GALNTL6: variants seen among roughly 807,000 people sequenced by gnomAD.
GALNTL6 encodes the protein polypeptide N-acetylgalactosaminyltransferase like 6.
Under a neutral mutation model 73.7 loss-of-function variants are expected in GALNTL6, and 46 were observed. The observed-to-expected ratio is 0.62, with a 90% CI of 0.49 to 0.80. The LOEUF is 0.80. Among genes scored for constraint, GALNTL6 ranks in the 30% least tolerant of loss-of-function variants. The probability of loss-of-function intolerance (pLI) is 0.00; values close to 1 mark genes in which losing one functional copy is unlikely to be tolerated. For synonymous variants in GALNTL6, 259 were observed against 263.7 expected (o/e 0.98, Z 0.17); for missense variants, 604 against 755.0 (o/e 0.80, Z 2.34).
chr4:172,532,084 G>T (rs1735187639), intron 5 of GALNTL6, among the ~76,000 whole-genome samples: 1 of 152,170 alleles, frequency 6.6e-6, no homozygotes, highest in South Asian at 2.1e-4. Flanking sequence ...ATGACCAGAA[G>T]GGTCCATTTG....
At chr4:172,210,417 G>C (rs1341466559) in intron 2 of GALNTL6, among the ~76,000 whole-genome samples, 1 of 151,912 alleles carries the variant, frequency 6.6e-6, no homozygotes, top group Non-Finnish European at 1.5e-5. Context: ...ATCTCCTTAG[G>C]CTTCTCTTAG....
intron 2 of GALNTL6, among the ~76,000 whole-genome samples, chr4:172,178,946 A>G (rs1392113675): frequency 1.1e-4 from 10 of 90,794 alleles, no homozygotes; most frequent in Admixed American, 3.6e-4. Flanking sequence ...GAGAATGATG[A>G]TTTCCAATTT....
intron 5 of GALNTL6, among the ~76,000 whole-genome samples, chr4:172,349,715 A>T (rs1345423901): frequency 1.3e-5 from 2 of 151,976 alleles, no homozygotes; most frequent in African/African-American, 4.8e-5. Context: ...ACATGACAGA[A>T]AGGAGGTTGT....
chr4:172,080,082 C>G (rs1163879936), intron 2 of GALNTL6, among the ~76,000 whole-genome samples: 1 of 152,046 alleles, frequency 6.6e-6, no homozygotes. Flanking sequence ...TGACTTTTTC[C>G]CCAATAGCTC....
chr4:171,949,747 T>A (rs1738813558), intron 2 of GALNTL6, among the ~76,000 whole-genome samples: 1 of 152,024 alleles, frequency 6.6e-6, no homozygotes, highest in East Asian at 1.9e-4. Flanking sequence ...AGTTAAGTAG[T>A]TGATATGAAA....
intron 2 of GALNTL6, among the ~76,000 whole-genome samples, chr4:171,937,729 A>G (rs1738395350): frequency 1.3e-5 from 2 of 152,194 alleles, no homozygotes; most frequent in African/African-American, 4.8e-5. Flanking sequence ...GGTCAAGTAA[A>G]GAATGGTTAC....
intron 7 of GALNTL6, among the ~76,000 whole-genome samples, chr4:172,844,717 C>T (rs770895896): frequency 2.6e-5 from 4 of 152,180 alleles, no homozygotes; most frequent in East Asian, 1.9e-4. Context: ...TAAACAGATG[C>T]GCAGTGTGAC....
intron 7 of GALNTL6, among the ~76,000 whole-genome samples, chr4:172,832,824 G>A (rs530249243): frequency 1.3e-5 from 2 of 152,278 alleles, no homozygotes; most frequent in Admixed American, 6.5e-5. Flanking sequence ...ATCCTCCCAG[G>A]CCTTGGGTTT....
intron 5 of GALNTL6, among the ~76,000 whole-genome samples, chr4:172,556,268 G>A (rs1396254095): frequency 4.0e-5 from 6 of 151,860 alleles, no homozygotes; most frequent in Non-Finnish European, 7.4e-5. Context: ...TTCTAGGTAG[G>A]AGATCTTCCT....
intron 2 of GALNTL6, among the ~76,000 whole-genome samples, chr4:172,112,135 CAT>C (rs1732868889): frequency 1.3e-5 from 2 of 152,012 alleles, no homozygotes; most frequent in African/African-American, 4.8e-5. Flanking sequence ...TCCAAAATGT[CAT>C]ATCCATCCAG....
intron 5 of GALNTL6, among the ~76,000 whole-genome samples, chr4:172,611,918 T>G (rs1441584150): frequency 1.3e-5 from 2 of 152,102 alleles, no homozygotes; most frequent in African/African-American, 2.4e-5. Context: ...AAATGTAAAG[T>G]GCATGTATTT....
intron 2 of GALNTL6, among the ~76,000 whole-genome samples, chr4:172,205,433 C>A (rs768909117): frequency 6.6e-5 from 10 of 152,150 alleles, no homozygotes; most frequent in African/African-American, 2.4e-4. Flanking sequence ...GAGATATGAC[C>A]TTTTAGTGTC....
At chr4:172,476,610 A>T (rs1733243603) in intron 5 of GALNTL6, among the ~76,000 whole-genome samples, 1 of 152,216 alleles carries the variant, frequency 6.6e-6, no homozygotes, top group Admixed American at 6.5e-5. Context: ...TCGTATGACC[A>T]GGTAGCACAC....
intron 7 of GALNTL6, among the ~76,000 whole-genome samples, chr4:172,873,758 G>C (rs190162785): frequency 6.6e-6 from 1 of 152,170 alleles, no homozygotes; most frequent in East Asian, 1.9e-4. Context: ...CTGTTTTTTT[G>C]TTGTTGTTTT....
chr4:172,233,123 C>G (rs1168836672), intron 3 of GALNTL6, among the ~76,000 whole-genome samples: 2 of 150,588 alleles, frequency 1.3e-5, no homozygotes, highest in Non-Finnish European at 1.5e-5. Context: ...AATCCCAGCA[C>G]ACCGGGTGGC....
At chr4:172,361,566 G>A (rs1742371607) in intron 5 of GALNTL6, among the ~76,000 whole-genome samples, 1 of 151,956 alleles carries the variant, frequency 6.6e-6, no homozygotes, top group South Asian at 2.1e-4. Context: ...CCTAAAAATC[G>A]AACCCAGGAT....
intron 5 of GALNTL6, among the ~76,000 whole-genome samples, chr4:172,484,461 G>C (rs187750415): frequency 6.0e-4 from 90 of 151,252 alleles, no homozygotes; most frequent in African/African-American, 1.8e-3. Flanking sequence ...TGAAAGTGCT[G>C]GTTGGAAACA....
At chr4:172,060,433 C>T (rs913706820) in intron 2 of GALNTL6, among the ~76,000 whole-genome samples, 20 of 152,134 alleles carry the variant, frequency 1.3e-4, no homozygotes, top group African/African-American at 4.8e-4. Flanking sequence ...ACTTTAATTG[C>T]TCTACTCTCC....
intron 2 of GALNTL6, among the ~76,000 whole-genome samples, chr4:171,864,501 C>A: frequency 6.6e-6 from 1 of 152,226 alleles, no homozygotes; most frequent in East Asian, 1.9e-4. Context: ...TATAGTGTAA[C>A]AAAATAACAT....
Sources: allele counts gnomAD v4.1 joint callset (sites outside exome capture counted in the v4.1 genomes callset), GRCh38; gene constraint gnomAD v4.1.1; transcripts MANE v1.5; gene names NCBI Gene and HGNC (gene_info 2026-07-23, HGNC 2026-07-21).